CNTN4: variants seen among roughly 807,000 people sequenced by gnomAD.
CNTN4 encodes contactin 4.
A neutral mutation model predicts 122.5 loss-of-function variants in CNTN4; 77 were observed. That is an observed-to-expected ratio of 0.63 (90% confidence interval 0.52 to 0.76). CNTN4 has a LOEUF of 0.76. Ranked by LOEUF, CNTN4 falls within the 30% of genes least tolerant of loss-of-function variation. The pLI, the probability that CNTN4 is intolerant of heterozygous loss-of-function variation, is 0.00. For missense variants in CNTN4, 1,256 were observed against 1,259.1 expected, an observed-to-expected ratio of 1.00 and a Z score of 0.04; for synonymous variants, 512 against 447.0, an observed-to-expected ratio of 1.15 and a Z score of -1.83.
intron 13 of CNTN4, among the ~76,000 whole-genome samples, chr3:2,962,255 A>G (rs2094868418): frequency 6.6e-6 from 1 of 152,242 alleles, no homozygotes; most frequent in Admixed American, 6.5e-5. Flanking sequence ...ATCCCTAGAT[A>G]GAGCCATTCA....
intron 4 of CNTN4, among the ~76,000 whole-genome samples, chr3:2,688,565 G>T (rs889966186): frequency 2.0e-5 from 3 of 152,206 alleles, no homozygotes; most frequent in Non-Finnish European, 2.9e-5. Flanking sequence ...TGTGATTCCT[G>T]TTATTGGACA....
chr3:2,622,972 A>G (rs114284716), intron 4 of CNTN4, among the ~76,000 whole-genome samples: 3,824 of 152,308 alleles, frequency 0.025, 74 homozygotes, highest in Middle Eastern at 0.041. Flanking sequence ...AATTCTGCAT[A>G]TACACATAAT....
In CNTN4 at chr3:2,671,606, C is replaced by A. The variant is rs370015285; in HGVS notation, c.56-64609C>A. Among the ~76,000 whole-genome samples the A allele has an allele frequency of 7.0e-4, 107 of 152,242 alleles. No homozygotes were observed. The Middle Eastern group carries it at 0.01, about 15-fold the overall frequency. Reference sequence around the variant, plus strand: ...CTCTCAACTCATCAAAGTCATTTTCCATCTGCTTTGTTCTGTTGCTGGTGA... The same window carrying A: ...CTCTCAACTCATCAAAGTCATTTTCAATCTGCTTTGTTCTGTTGCTGGTGA... On this transcript the variant is annotated intron_variant, in intron 4 of 24. Coordinates refer to ENST00000418658, the MANE Select transcript of CNTN4 (RefSeq NM_175607.3).
chr3:2,920,809 C>G (rs6804109), intron 12 of CNTN4, among the ~76,000 whole-genome samples: 85,204 of 148,838 alleles, frequency 0.57, 23,919 homozygotes, highest in East Asian at 0.69. Context: ...TCTTTTGTTT[C>G]ATAATAACGC....
At chr3:2,376,611 C>T (rs374866796) in intron 3 of CNTN4, among the ~76,000 whole-genome samples, 105 of 150,060 alleles carry the variant, frequency 7.0e-4, no homozygotes, top group African/African-American at 2.5e-3. Flanking sequence ...GTCTTTCTAC[C>T]TTGAGGATTT....
chr3:2,648,114 C>T (rs2083209625), intron 4 of CNTN4, among the ~76,000 whole-genome samples: 2 of 152,168 alleles, frequency 1.3e-5, no homozygotes, highest in African/African-American at 2.4e-5. Flanking sequence ...CAAAATGCCA[C>T]TTTGCCTTCA....
chr3:2,703,894 A>T (rs1362312075), intron 4 of CNTN4, among the ~76,000 whole-genome samples: 1 of 152,180 alleles, frequency 6.6e-6, no homozygotes, highest in Non-Finnish European at 1.5e-5. Context: ...TAGTGTAAAT[A>T]TAAAGAAAGC....
intron 4 of CNTN4, among the ~76,000 whole-genome samples, chr3:2,716,649 G>A (rs933736637): frequency 2.0e-5 from 3 of 152,056 alleles, no homozygotes; most frequent in Non-Finnish European, 4.4e-5. Context: ...TACCATTTTA[G>A]TAGTTTTAAA....
At chr3:2,625,175 T>C (rs1293709325) in intron 4 of CNTN4, among the ~76,000 whole-genome samples, 2 of 152,178 alleles carry the variant, frequency 1.3e-5, no homozygotes, top group Non-Finnish European at 2.9e-5. Flanking sequence ...ATAAGAATTG[T>C]AACCCACTGC....
At chr3:2,925,911 C>G in intron 13 of CNTN4, 132 bp downstream of exon 13, 1 of 774,046 alleles carries the variant, frequency 1.3e-6, no homozygotes, top group Non-Finnish European at 2.1e-6. Flanking sequence ...AGAACAGAAG[C>G]TTTGGAAGGA....
chr3:3,035,063 T>G (rs983528048), intron 17 of CNTN4, among the ~76,000 whole-genome samples: 2 of 152,132 alleles, frequency 1.3e-5, no homozygotes, highest in African/African-American at 4.8e-5. Flanking sequence ...ATCCCAGCAC[T>G]GTGGGAGGTA....
intron 13 of CNTN4, among the ~76,000 whole-genome samples, chr3:2,972,343 T>C (rs1310124182): frequency 1.3e-5 from 2 of 151,982 alleles, no homozygotes; most frequent in Admixed American, 1.3e-4. Context: ...CACATACACA[T>C]ACAGACACAC....
chr3:2,294,288 C>CTTTTTTTTTTTTTTTTT (rs71058604), intron 2 of CNTN4, among the ~76,000 whole-genome samples: 2,767 of 134,944 alleles, frequency 0.021, 96 homozygotes, highest in East Asian at 0.04. Context: ...AGAGTTGTGA[C>CTTTTTTTTTTTTTTTTT]TTTTTTTTTT....
At chr3:2,492,085 A>G (rs2076335472) in intron 3 of CNTN4, among the ~76,000 whole-genome samples, 3 of 152,184 alleles carry the variant, frequency 2.0e-5, no homozygotes. Context: ...CATTTATTCA[A>G]TAATAACTCG....
intron 4 of CNTN4, among the ~76,000 whole-genome samples, chr3:2,606,600 A>G (rs955767734): frequency 1.3e-5 from 2 of 152,202 alleles, no homozygotes; most frequent in Non-Finnish European, 2.9e-5. Flanking sequence ...CTAATTCCAT[A>G]TGCTTTTCTT....
chr3:2,342,361 T>C (rs181408031), intron 3 of CNTN4, among the ~76,000 whole-genome samples: 164 of 152,318 alleles, frequency 1.1e-3, no homozygotes, highest in African/African-American at 3.9e-3. Flanking sequence ...TTTCATCTTT[T>C]GTTAGGGTAC....
intron 6 of CNTN4, among the ~76,000 whole-genome samples, chr3:2,753,110 G>A (rs951853517): frequency 1.5e-4 from 23 of 152,026 alleles, no homozygotes; most frequent in African/African-American, 5.3e-4. Context: ...TTGATATATT[G>A]ATTTCCTTTC....
At chr3:2,391,926 T>C (rs1008069625) in intron 3 of CNTN4, among the ~76,000 whole-genome samples, 3 of 152,302 alleles carry the variant, frequency 2.0e-5, no homozygotes, top group Non-Finnish European at 2.9e-5. Context: ...ACTCTTTAAA[T>C]GGGGCAAATA....
intron 10 of CNTN4, among the ~76,000 whole-genome samples, chr3:2,891,528 G>A (rs181206491): frequency 6.6e-6 from 1 of 152,296 alleles, no homozygotes; most frequent in African/African-American, 2.4e-5. Flanking sequence ...GAAGTAGTCA[G>A]GAAAGACTTG....
Sources: allele counts gnomAD v4.1 joint callset (sites outside exome capture counted in the v4.1 genomes callset), GRCh38; gene constraint gnomAD v4.1.1; transcripts MANE v1.5; gene names NCBI Gene and HGNC (gene_info 2026-07-23, HGNC 2026-07-21).